AGBL4: variants seen among roughly 807,000 people sequenced by gnomAD.
AGBL4 encodes AGBL carboxypeptidase 4.
AGBL4 carries 58 observed loss-of-function variants against 66.4 expected under a neutral mutation model. The observed-to-expected ratio is 0.87, with a 90% confidence interval of 0.71 to 1.09. The LOEUF (loss-of-function observed/expected upper bound fraction) is 1.09. Ranked by LOEUF, AGBL4 falls within the 50% of genes least tolerant of loss-of-function variation. The pLI is 0.00. For synonymous variants in AGBL4, 234 were observed against 222.9 expected (o/e 1.05, Z -0.44); for missense variants, 579 against 631.0 (o/e 0.92, Z 0.88).
chr1:49,146,951 A>G (rs374500804), intron 4 of AGBL4, among the ~76,000 whole-genome samples: 1 of 152,256 alleles, frequency 6.6e-6, no homozygotes, highest in South Asian at 2.1e-4. Flanking sequence ...GGAAATCATA[A>G]TTCATCAGCT....
chr1:49,127,756 G>A (rs149014212), intron 4 of AGBL4, among the ~76,000 whole-genome samples: 2 of 152,166 alleles, frequency 1.3e-5, no homozygotes, highest in African/African-American at 4.8e-5. Flanking sequence ...TTCAGTAACA[G>A]GGCCAAACTA....
chr1:49,445,547 T>C (rs949671218), intron 3 of AGBL4, among the ~76,000 whole-genome samples: 1 of 152,162 alleles, frequency 6.6e-6, no homozygotes, highest in Non-Finnish European at 1.5e-5. Flanking sequence ...TTATTTTTCT[T>C]TTCTTTCTTT....
intron 5 of AGBL4, among the ~76,000 whole-genome samples, chr1:48,973,442 C>T (rs542996134): frequency 6.6e-6 from 1 of 152,178 alleles, no homozygotes; most frequent in East Asian, 1.9e-4. Context: ...CAATCTATTG[C>T]TAGAAACTGG....
chr1:49,293,320 A>G (rs545125841), intron 3 of AGBL4, among the ~76,000 whole-genome samples: 70 of 152,362 alleles, frequency 4.6e-4, no homozygotes, highest in African/African-American at 1.2e-3. Flanking sequence ...GATCCAAGCC[A>G]GTAGCATGAG....
chr1:48,712,134 C>A (rs891883957), intron 6 of AGBL4, among the ~76,000 whole-genome samples: 1 of 152,210 alleles, frequency 6.6e-6, no homozygotes, highest in East Asian at 1.9e-4. Flanking sequence ...CCTTCTCCCC[C>A]CAGGAAGGGG....
Position 49,071,688 on chromosome 1 carries a change from T to C in AGBL4, c.378-25888A>G, listed in dbSNP as rs542849326. Among the ~76,000 whole-genome samples, 469 of 152,076 alleles carry C rather than the reference T, an allele frequency of 3.1e-3. 4 individuals are homozygous for C. The highest frequency in any genetic ancestry group is 4.9e-3 in the Non-Finnish European group (336 of 68,020). ...ATCATGTGGTCAATTTTAGAATAAG[T>C]GCAATGTGGTGCTGAGAAGAATGCA... On this transcript the variant is annotated intron_variant, in intron 4 of 13. Coordinates refer to ENST00000371839, the MANE Select transcript of AGBL4 (RefSeq NM_032785.4).
At chr1:49,721,080 C>T (rs1251497899) in intron 2 of AGBL4, among the ~76,000 whole-genome samples, 1 of 152,040 alleles carries the variant, frequency 6.6e-6, no homozygotes. Flanking sequence ...TTGTAAAATG[C>T]TTCAATCAGC....
intron 3 of AGBL4, among the ~76,000 whole-genome samples, chr1:49,322,083 T>G (rs1373591888): frequency 6.6e-6 from 1 of 152,196 alleles, no homozygotes; most frequent in African/African-American, 2.4e-5. Flanking sequence ...TGAGCATTGC[T>G]CTGTTAAATA....
intron 1 of AGBL4, among the ~76,000 whole-genome samples, chr1:49,977,693 T>A (rs889709178): frequency 1.3e-5 from 2 of 152,228 alleles, no homozygotes; most frequent in Admixed American, 1.3e-4. Context: ...TTGTGCTACA[T>A]TTATTTTATT....
chr1:49,364,365 C>T (rs1364844706), intron 3 of AGBL4, among the ~76,000 whole-genome samples: 1 of 152,146 alleles, frequency 6.6e-6, no homozygotes, highest in Non-Finnish European at 1.5e-5. Flanking sequence ...TCTCTCTAAT[C>T]CTCAATTATT....
At chr1:48,619,709 A>G (rs759486864) in intron 9 of AGBL4, among the ~76,000 whole-genome samples, 1 of 152,174 alleles carries the variant, frequency 6.6e-6, no homozygotes, top group Non-Finnish European at 1.5e-5. Flanking sequence ...GAGTAAGTCA[A>G]TCCTCCCGAC....
At chr1:49,741,436 C>T (rs894074011) in intron 2 of AGBL4, among the ~76,000 whole-genome samples, 7 of 151,990 alleles carry the variant, frequency 4.6e-5, no homozygotes, top group Non-Finnish European at 7.4e-5. Flanking sequence ...AAAAGGCCAA[C>T]AGCAAATGGA....
intron 2 of AGBL4, among the ~76,000 whole-genome samples, chr1:49,801,477 T>G (rs1237382774): frequency 1.3e-5 from 2 of 152,198 alleles, no homozygotes; most frequent in Non-Finnish European, 2.9e-5. Flanking sequence ...CCACTATGTT[T>G]GTGATTATAT....
At chr1:50,020,488 T>C (rs1662363723) in intron 1 of AGBL4, among the ~76,000 whole-genome samples, 1 of 152,042 alleles carries the variant, frequency 6.6e-6, no homozygotes, top group Non-Finnish European at 1.5e-5. Flanking sequence ...AAAAGTAGGG[T>C]TTACACAAGG....
intron 2 of AGBL4, among the ~76,000 whole-genome samples, chr1:49,835,178 G>C (rs940426961): frequency 1.3e-5 from 2 of 152,060 alleles, no homozygotes; most frequent in African/African-American, 4.8e-5. Context: ...AGGTGTTGAA[G>C]GCTCCCACTA....
intron 6 of AGBL4, among the ~76,000 whole-genome samples, chr1:48,774,837 A>G (rs1570632558): frequency 6.6e-6 from 1 of 152,342 alleles, no homozygotes; most frequent in African/African-American, 2.4e-5. Flanking sequence ...GATGAATGAA[A>G]CAATCTCCAA....
intron 6 of AGBL4, among the ~76,000 whole-genome samples, chr1:48,688,885 G>T (rs1646577016): frequency 6.6e-6 from 1 of 151,982 alleles, no homozygotes; most frequent in Non-Finnish European, 1.5e-5. Flanking sequence ...AGAAGTGGGG[G>T]TGTCAGTTGC....
chr1:49,554,975 G>A lies in AGBL4; in HGVS notation c.282+142338C>T, dbSNP rs1029705065. On this transcript the variant is annotated intron_variant, in intron 3 of 13. Coordinates refer to ENST00000371839, the MANE Select transcript of AGBL4 (RefSeq NM_032785.4). Reference sequence around the variant, plus strand: ...GTGTTAAAGCTCTTAAAGGCAGCACGGACCCAAAGAGTGAGCAGCAGAAAG... The same window carrying A: ...GTGTTAAAGCTCTTAAAGGCAGCACAGACCCAAAGAGTGAGCAGCAGAAAG... Among the ~76,000 whole-genome samples the A allele has an allele frequency of 2.0e-5, 3 of 152,186 alleles. 1 individual carries two copies. Among genetic ancestry groups the A allele is most frequent in the South Asian group, 4.1e-4 (2 of 4,828 alleles).
chr1:49,718,817 C>CA (rs1235727616), intron 2 of AGBL4, among the ~76,000 whole-genome samples: 1 of 151,894 alleles, frequency 6.6e-6, no homozygotes, highest in African/African-American at 2.4e-5. Context: ...TTTCCCTCTA[C>CA]AAAAAATTTG....
Sources: gnomAD v4.1 joint callset for allele counts (sites outside exome capture counted in the v4.1 genomes callset) on GRCh38, gnomAD v4.1.1 for gene constraint, MANE v1.5 for transcripts, NCBI Gene and HGNC (gene_info 2026-07-23, HGNC 2026-07-21) for gene names.